Variants in SLCO5A1 observed in about 807,000 individuals in gnomAD.
SLCO5A1 encodes organic anion transporter polypeptide-related protein 4.
In SLCO5A1, 39 loss-of-function variants were observed where a neutral mutation model predicts 65.1. That is an observed-to-expected ratio of 0.60 (90% CI 0.46 to 0.78). The LOEUF is 0.78. Among genes scored for constraint, SLCO5A1 ranks in the 30% least tolerant of loss-of-function variants. The pLI is 0.00. For synonymous variants in SLCO5A1, 438 were observed against 415.7 expected (o/e 1.05, Z -0.65); for missense variants, 1,029 against 1,069.4 (o/e 0.96, Z 0.53).
chr8:69,821,124 A>G (rs1269235737), intron 2 of SLCO5A1, among the ~76,000 whole-genome samples: 1 of 152,160 alleles, frequency 6.6e-6, no homozygotes, highest in Non-Finnish European at 1.5e-5. Context: ...TGTTTATATT[A>G]CTATAAAATC....
chr8:69,803,546 A>T (rs1023422221), intron 2 of SLCO5A1, among the ~76,000 whole-genome samples: 6 of 152,192 alleles, frequency 3.9e-5, no homozygotes, highest in Non-Finnish European at 8.8e-5. Flanking sequence ...AAACAAAAAA[A>T]CACGGAGCCT....
At chr8:69,740,989 A>G (rs1816767851) in intron 4 of SLCO5A1, among the ~76,000 whole-genome samples, 1 of 152,240 alleles carries the variant, frequency 6.6e-6, no homozygotes, top group Non-Finnish European at 1.5e-5. Flanking sequence ...TCACAGTCAC[A>G]TGCAGACCAG....
At chr8:69,728,514 G>A (rs1179303957) in intron 5 of SLCO5A1, among the ~76,000 whole-genome samples, 1 of 152,032 alleles carries the variant, frequency 6.6e-6, no homozygotes, top group African/African-American at 2.4e-5. Context: ...AAACAGAGAA[G>A]AATTACTTCA....
intron 2 of SLCO5A1, among the ~76,000 whole-genome samples, chr8:69,820,793 T>C (rs898038764): frequency 1.3e-5 from 2 of 152,202 alleles, no homozygotes; most frequent in African/African-American, 4.8e-5. Flanking sequence ...AAATCATATA[T>C]GTGTACATAG....
intron 6 of SLCO5A1, among the ~76,000 whole-genome samples, chr8:69,692,372 T>C (rs1814301557): frequency 1.3e-5 from 2 of 152,232 alleles, no homozygotes; most frequent in Admixed American, 6.5e-5. Flanking sequence ...GGTGAGTGAA[T>C]GTGAAGGCCT....
chr8:69,722,776 GGTGTGTGTGTGTGT>G (rs56353428), intron 5 of SLCO5A1, among the ~76,000 whole-genome samples: 5 of 148,034 alleles, frequency 3.4e-5, no homozygotes, highest in African/African-American at 1.2e-4. Flanking sequence ...ACACATGCAT[GGTGTGTGTGTGTGT>G]GTGTGTGTGT....
At chr8:69,723,773 CTTT>C (rs11444497) in intron 5 of SLCO5A1, among the ~76,000 whole-genome samples, 4 of 133,234 alleles carry the variant, frequency 3.0e-5, no homozygotes, top group African/African-American at 8.4e-5. Context: ...TTTTAGTATG[CTTT>C]TTTTTTTTTT....
At chr8:69,819,702 C>T (rs914733969) in intron 2 of SLCO5A1, among the ~76,000 whole-genome samples, 11 of 152,172 alleles carry the variant, frequency 7.2e-5, no homozygotes, top group African/African-American at 2.7e-4. Flanking sequence ...TGGCTCACGC[C>T]TATAATCCTA....
intron 2 of SLCO5A1, among the ~76,000 whole-genome samples, chr8:69,813,197 T>C (rs1563369920): frequency 6.8e-6 from 1 of 147,948 alleles, no homozygotes; most frequent in African/African-American, 2.5e-5. Flanking sequence ...GTTCTCTTTA[T>C]AAAAAAAAAA....
intron 2 of SLCO5A1, among the ~76,000 whole-genome samples, chr8:69,799,780 CAA>C (rs1188747431): frequency 6.6e-6 from 1 of 152,180 alleles, no homozygotes; most frequent in East Asian, 1.9e-4. Flanking sequence ...CTCACTATCA[CAA>C]GAACAGCATG....
chr8:69,826,533 C>T (rs1323507849), intron 2 of SLCO5A1, among the ~76,000 whole-genome samples: 7 of 152,176 alleles, frequency 4.6e-5, no homozygotes, highest in African/African-American at 1.7e-4. Flanking sequence ...CGAAAAAATG[C>T]TCACCATCAC....
chr8:69,745,976 A>G (rs927139730), intron 4 of SLCO5A1, among the ~76,000 whole-genome samples: 10 of 152,168 alleles, frequency 6.6e-5, no homozygotes, highest in African/African-American at 2.2e-4. Flanking sequence ...AAAAGCTGCA[A>G]TTTTAAAAGG....
chr8:69,781,724 C>A (rs191224805), intron 2 of SLCO5A1, among the ~76,000 whole-genome samples: 4 of 152,170 alleles, frequency 2.6e-5, no homozygotes, highest in Admixed American at 6.5e-5. Flanking sequence ...ATGGCGCGAT[C>A]TCGGCTCATC....
chr8:69,705,538 C>T (rs758335838), intron 5 of SLCO5A1, among the ~76,000 whole-genome samples: 8 of 152,048 alleles, frequency 5.3e-5, no homozygotes, highest in African/African-American at 1.4e-4. Context: ...ACAATAAACA[C>T]GTGAAAGGGG....
intron 5 of SLCO5A1, among the ~76,000 whole-genome samples, chr8:69,735,543 A>G (rs1816516407): frequency 6.6e-6 from 1 of 152,220 alleles, no homozygotes; most frequent in Non-Finnish European, 1.5e-5. Context: ...ACTTGAAGCC[A>G]TTATCCTCAG....
At chr8:69,687,014 G>T (rs1814030574) in intron 6 of SLCO5A1, among the ~76,000 whole-genome samples, 1 of 150,128 alleles carries the variant, frequency 6.7e-6, no homozygotes, top group Non-Finnish European at 1.5e-5. Context: ...CCAGCATTGT[G>T]CCTGGGACAT....
chr8:69,712,705 C>T (rs1166429904), intron 5 of SLCO5A1, among the ~76,000 whole-genome samples: 1 of 152,180 alleles, frequency 6.6e-6, no homozygotes. Flanking sequence ...TTTCTGTTAT[C>T]TTTCTTTAAG....
At chr8:69,831,495 G>A (rs1821150272) in intron 2 of SLCO5A1, among the ~76,000 whole-genome samples, 1 of 152,138 alleles carries the variant, frequency 6.6e-6, no homozygotes, top group African/African-American at 2.4e-5. Flanking sequence ...GGTAGCAACA[G>A]AGAGAAGCAT....
intron 5 of SLCO5A1, among the ~76,000 whole-genome samples, chr8:69,731,483 C>T (rs776215481): frequency 6.6e-6 from 1 of 152,200 alleles, no homozygotes; most frequent in Non-Finnish European, 1.5e-5. Context: ...CAATTGAACC[C>T]TGTTTAACTG....
Sources: gnomAD v4.1 joint callset for allele counts (sites outside exome capture counted in the v4.1 genomes callset) on GRCh38, gnomAD v4.1.1 for gene constraint, MANE v1.5 for transcripts, NCBI Gene and HGNC (gene_info 2026-07-23, HGNC 2026-07-21) for gene names.